Variants in SLCO1B3 observed in about 807,000 individuals in gnomAD.
SLCO1B3 encodes solute carrier organic anion transporter family member 1B3.
Under a neutral mutation model 71.8 loss-of-function variants are expected in SLCO1B3, and 72 were observed. The ratio of observed to expected loss-of-function variants is 1.00; its 90% CI spans 0.83 to 1.22. The LOEUF (loss-of-function observed/expected upper bound fraction) is 1.22, where lower values mean the gene tolerates loss of function less well. SLCO1B3 is among the 50% of genes most tolerant of loss of function. The pLI is 0.00. For synonymous variants in SLCO1B3, 298 were observed against 278.4 expected (o/e 1.07, Z -0.70); for missense variants, 911 against 819.7 (o/e 1.11, Z -1.36).
chr12:20,909,212 C>T (rs1866317476), intron 15 of SLCO1B3, among the ~76,000 whole-genome samples: 1 of 145,398 alleles, frequency 6.9e-6, no homozygotes, highest in Admixed American at 7.0e-5. Context: ...GTCGCCCAGG[C>T]TGGAGTGCAG....
intron 13 of SLCO1B3, among the ~76,000 whole-genome samples, chr12:20,886,007 A>G (rs1042749945): frequency 6.6e-6 from 1 of 152,110 alleles, no homozygotes; most frequent in African/African-American, 2.4e-5. Flanking sequence ...CATGGTTATG[A>G]TAAAGGAAGT....
intron 3 of SLCO1B3, among the ~76,000 whole-genome samples, chr12:20,833,753 G>A (rs899438270): frequency 6.8e-6 from 1 of 147,268 alleles, no homozygotes; most frequent in Non-Finnish European, 1.5e-5. Flanking sequence ...TATGTAATAT[G>A]TATTACATAT....
intron 13 of SLCO1B3, among the ~76,000 whole-genome samples, chr12:20,892,991 G>A (rs1865933275): frequency 6.6e-6 from 1 of 152,158 alleles, no homozygotes; most frequent in Non-Finnish European, 1.5e-5. Context: ...AATATATGCA[G>A]ATGAGCAATT....
intron 9 of SLCO1B3, among the ~76,000 whole-genome samples, chr12:20,875,746 A>G (rs1469917742): frequency 6.6e-6 from 1 of 152,174 alleles, no homozygotes. Flanking sequence ...GCCAGAGTAT[A>G]TATTCATTTT....
chr12:20,903,875 C>T (rs1433907157), intron 15 of SLCO1B3, among the ~76,000 whole-genome samples: 6 of 152,166 alleles, frequency 3.9e-5, no homozygotes, highest in African/African-American at 1.2e-4. Flanking sequence ...AACTCAAAAG[C>T]CCACAGTCCA....
intron 3 of SLCO1B3, among the ~76,000 whole-genome samples, chr12:20,839,971 C>G (rs550797708): frequency 2.2e-4 from 34 of 152,276 alleles, no homozygotes; most frequent in African/African-American, 7.2e-4. Context: ...TTACTTATTT[C>G]TGCTACAATA....
chr12:20,901,908 A>G (rs752106653), intron 15 of SLCO1B3: 3 of 441,760 alleles, frequency 6.8e-6, no homozygotes, highest in Non-Finnish European at 1.3e-5. Context: ...AGGCAGAAGT[A>G]TCCTGCAAGT....
chr12:20,876,917 A>G lies in SLCO1B3; in HGVS notation c.971-855A>G, dbSNP rs373100466. Reference sequence around the variant, plus strand: ...GCAATCTTGACTCACTGCAACCTCCACCTCCCAGGTTCAAGCAATTCTCCT... The same window carrying G: ...GCAATCTTGACTCACTGCAACCTCCGCCTCCCAGGTTCAAGCAATTCTCCT... On this transcript the variant is annotated intron_variant, in intron 9 of 15. Coordinates refer to ENST00000381545, the MANE Select transcript of SLCO1B3 (RefSeq NM_019844.4). Among the ~76,000 whole-genome samples the G allele has an allele frequency of 8.2e-4, 125 of 151,672 alleles. 2 individuals are homozygous for G. The South Asian group carries it at 0.025, about 30-fold the overall frequency.
chr12:20,861,145 A>G lies in SLCO1B3; in HGVS notation c.481+7A>G, dbSNP rs761009051. ...CCTGAGATAGTAGAAAAAGGTAAGAATTAATAGTGACAGTAAAACAAATTC... is the reference window on the plus strand; with the variant it reads ...CCTGAGATAGTAGAAAAAGGTAAGAGTTAATAGTGACAGTAAAACAAATTC... On this transcript the variant is annotated splice_region_variant and intron_variant, in intron 6 of 15. Transcript: ENST00000381545. 24 of 1,567,428 alleles carry G rather than the reference A, an allele frequency of 1.5e-5. No homozygotes were observed. Among genetic ancestry groups the G allele is most frequent in the South Asian group, 2.4e-5 (2 of 84,244 alleles).
chr12:20,869,053 A>T (rs1041851337), intron 8 of SLCO1B3, among the ~76,000 whole-genome samples: 1 of 152,080 alleles, frequency 6.6e-6, no homozygotes, highest in Non-Finnish European at 1.5e-5. Flanking sequence ...TCACAGGGAG[A>T]TGGTTAGGCC....
chr12:20,912,481 A>G (rs910788998), intron 15 of SLCO1B3, among the ~76,000 whole-genome samples: 7 of 144,374 alleles, frequency 4.8e-5, no homozygotes, highest in Non-Finnish European at 1.1e-4. Flanking sequence ...GGTGTGTGCT[A>G]TCACACCTGG....
At chr12:20,876,607 G>T (rs971598200) in intron 9 of SLCO1B3, among the ~76,000 whole-genome samples, 3 of 152,040 alleles carry the variant, frequency 2.0e-5, no homozygotes, top group African/African-American at 7.2e-5. Context: ...AGCTGCGTTG[G>T]TAGCTTGAAA....
intron 4 of SLCO1B3, among the ~76,000 whole-genome samples, chr12:20,856,069 A>G (rs557334065): frequency 2.0e-5 from 3 of 152,268 alleles, no homozygotes; most frequent in African/African-American, 4.8e-5. Flanking sequence ...GACACTCTAC[A>G]TGTCCTTCAC....
At chr12:20,822,716 A>G (rs1864339428) in intron 3 of SLCO1B3, among the ~76,000 whole-genome samples, 2 of 152,126 alleles carry the variant, frequency 1.3e-5, no homozygotes, top group South Asian at 4.2e-4. Context: ...TGCTCAGTAA[A>G]TCGGCACTTT....
At chr12:20,875,776 T>A (rs961119433) in intron 9 of SLCO1B3, among the ~76,000 whole-genome samples, 1 of 152,054 alleles carries the variant, frequency 6.6e-6, no homozygotes, top group African/African-American at 2.4e-5. Context: ...TAGTATAAAC[T>A]GTGAGGGTTT....
At chr12:20,902,932 G>A (rs1325680972) in intron 15 of SLCO1B3, among the ~76,000 whole-genome samples, 3 of 152,004 alleles carry the variant, frequency 2.0e-5, no homozygotes, top group African/African-American at 4.8e-5. Context: ...AATTAGCCAG[G>A]CATTGTGGTA....
intron 3 of SLCO1B3, among the ~76,000 whole-genome samples, chr12:20,842,455 A>G (rs984359687): frequency 6.6e-6 from 1 of 152,132 alleles, no homozygotes; most frequent in Non-Finnish European, 1.5e-5. Flanking sequence ...TCTATCCATA[A>G]TGATGTTTAT....
At chr12:20,878,033 T>C in intron 10 of SLCO1B3, 97 bp downstream of exon 10, 2 of 797,954 alleles carry the variant, frequency 2.5e-6, no homozygotes, top group Non-Finnish European at 3.9e-6. Context: ...TTTTATATTT[T>C]ACTAAATGTA....
intron 15 of SLCO1B3, among the ~76,000 whole-genome samples, chr12:20,908,499 C>G (rs1240820401): frequency 1.3e-5 from 2 of 152,026 alleles, no homozygotes; most frequent in African/African-American, 4.8e-5. Flanking sequence ...AAAAAGTAGT[C>G]TTGCTGCCCT....
Sources: gnomAD v4.1 joint callset for allele counts (sites outside exome capture counted in the v4.1 genomes callset) on GRCh38, gnomAD v4.1.1 for gene constraint, MANE v1.5 for transcripts, NCBI Gene and HGNC (gene_info 2026-07-23, HGNC 2026-07-21) for gene names.